CCDC148: variants seen among roughly 807,000 people sequenced by gnomAD.
The protein encoded by CCDC148 is coiled-coil domain-containing protein 148.
In CCDC148, 89 loss-of-function variants were observed where a neutral mutation model predicts 85.7. The ratio of observed to expected loss-of-function variants is 1.04; its 90% CI spans 0.87 to 1.24. The LOEUF is 1.24. CCDC148 is among the 50% of genes most tolerant of loss of function. CCDC148 has a pLI of 0.00. For synonymous variants in CCDC148, 230 were observed against 213.9 expected, an observed-to-expected ratio of 1.08 and a Z score of -0.66; for missense variants, 692 against 671.7, an observed-to-expected ratio of 1.03 and a Z score of -0.33.
At chr2:158,190,341 C>T (rs1685362889) in intron 11 of CCDC148, among the ~76,000 whole-genome samples, 1 of 151,840 alleles carries the variant, frequency 6.6e-6, no homozygotes. Context: ...ATTTATTTGC[C>T]CAATTGCCTC....
intron 9 of CCDC148, among the ~76,000 whole-genome samples, chr2:158,304,075 T>A (rs1458212951): frequency 1.3e-5 from 2 of 152,120 alleles, no homozygotes; most frequent in Non-Finnish European, 2.9e-5. Context: ...TGGCTCACTC[T>A]TGGGTTAGAG....
chr2:158,312,031 C>T (rs1405673412), intron 8 of CCDC148, among the ~76,000 whole-genome samples: 2 of 152,116 alleles, frequency 1.3e-5, no homozygotes, highest in African/African-American at 4.8e-5. Flanking sequence ...CTAAATAATT[C>T]TTTATTTTGC....
intron 10 of CCDC148, among the ~76,000 whole-genome samples, chr2:158,233,574 T>C (rs1251692969): frequency 1.3e-5 from 2 of 151,748 alleles, no homozygotes; most frequent in African/African-American, 4.8e-5. Flanking sequence ...AAAGATAGCA[T>C]TGCCCAAAAT....
chr2:158,281,079 C>T lies in CCDC148; in HGVS notation c.1110+28354G>A, dbSNP rs191288991. On this transcript the variant is annotated intron_variant, in intron 9 of 13. Transcript: ENST00000283233. ...AAATAAAGATGTTCTTTGAAACCGA[C>T]GAGAACAAAGACACAACATACCAGA... Among the ~76,000 whole-genome samples the T allele has an allele frequency of 7.8e-3, 1,185 of 152,094 alleles. 18 individuals are homozygous for T. Among genetic ancestry groups the T allele is most frequent in the African/African-American group, 0.026 (1,079 of 41,492 alleles).
intron 2 of CCDC148, among the ~76,000 whole-genome samples, chr2:158,348,235 G>C (rs1683090091): frequency 6.6e-6 from 1 of 152,060 alleles, no homozygotes; most frequent in Non-Finnish European, 1.5e-5. Context: ...CCATCAGTAA[G>C]TGTTCTTGAC....
chr2:158,248,324 T>A lies in CCDC148; in HGVS notation c.1251+2448A>T, dbSNP rs1040416602. Among the ~76,000 whole-genome samples the A allele has an allele frequency of 2.6e-5, 4 of 152,242 alleles. No homozygotes were observed. The East Asian group carries it at 7.7e-4, about 29-fold the overall frequency. On this transcript the variant is annotated intron_variant, in intron 10 of 13. Transcript: ENST00000283233. The stretch of plus-strand genomic sequence containing the variant: ...AATATTCTCTCCTTTATTTAAATTT[T>A]AAAAATCTGAAACAAAATGAAAAAT...
intron 9 of CCDC148, among the ~76,000 whole-genome samples, chr2:158,285,245 G>T (rs1244411180): frequency 6.7e-6 from 1 of 148,358 alleles, no homozygotes; most frequent in Non-Finnish European, 1.5e-5. Context: ...CTGAGATCAT[G>T]CCATTGCACT....
intron 11 of CCDC148, among the ~76,000 whole-genome samples, chr2:158,199,782 C>G (rs1453228612): frequency 1.3e-5 from 2 of 152,062 alleles, no homozygotes; most frequent in African/African-American, 4.8e-5. Flanking sequence ...TGGGAACGAG[C>G]AAATGTTTCT....
intron 7 of CCDC148, among the ~76,000 whole-genome samples, chr2:158,333,295 G>C (rs1693244905): frequency 6.6e-6 from 1 of 152,140 alleles, no homozygotes; most frequent in Non-Finnish European, 1.5e-5. Context: ...AGTCATTCAG[G>C]AGCAGGTTGT....
At chr2:158,349,005 A>T (rs1033006734) in intron 2 of CCDC148, among the ~76,000 whole-genome samples, 20 of 152,040 alleles carry the variant, frequency 1.3e-4, no homozygotes, top group Admixed American at 6.5e-5. Flanking sequence ...TTCAGGTTCA[A>T]TCTCAGCCTT....
intron 9 of CCDC148, among the ~76,000 whole-genome samples, chr2:158,264,246 G>T (rs1689359184): frequency 6.6e-6 from 1 of 152,036 alleles, no homozygotes; most frequent in Non-Finnish European, 1.5e-5. Context: ...TCCGTCATCA[G>T]CTCATTCCTT....
intron 2 of CCDC148, among the ~76,000 whole-genome samples, chr2:158,354,909 C>G (rs1434075915): frequency 6.6e-6 from 1 of 151,850 alleles, no homozygotes; most frequent in Non-Finnish European, 1.5e-5. Context: ...CCCTGGGATG[C>G]AAGGCTGGTT....
At chr2:158,229,633 T>C (rs990720225) in intron 10 of CCDC148, among the ~76,000 whole-genome samples, 1 of 152,170 alleles carries the variant, frequency 6.6e-6, no homozygotes, top group African/African-American at 2.4e-5. Flanking sequence ...ATCTTTCTCA[T>C]TGTTCAGCCC....
At chr2:158,410,107 T>C (rs1224600749) in intron 1 of CCDC148, among the ~76,000 whole-genome samples, 2 of 152,218 alleles carry the variant, frequency 1.3e-5, no homozygotes, top group Non-Finnish European at 2.9e-5. Context: ...AACAGCCTAA[T>C]ACAATGACCT....
chr2:158,328,504 T>C (rs1218985035), intron 7 of CCDC148, among the ~76,000 whole-genome samples: 1 of 152,162 alleles, frequency 6.6e-6, no homozygotes, highest in East Asian at 1.9e-4. Context: ...AGCAGCATGA[T>C]TTATAATCCT....
intron 2 of CCDC148, among the ~76,000 whole-genome samples, chr2:158,352,594 G>A (rs570024785): frequency 5.9e-5 from 9 of 152,180 alleles, no homozygotes; most frequent in African/African-American, 9.6e-5. Flanking sequence ...CCAAATCTAC[G>A]TCTGATTGGT....
intron 9 of CCDC148, among the ~76,000 whole-genome samples, chr2:158,258,996 C>T (rs1689114580): frequency 2.0e-5 from 3 of 151,816 alleles, no homozygotes; most frequent in Admixed American, 2.0e-4. Flanking sequence ...ACACCAATTA[C>T]CAATTTACCC....
intron 9 of CCDC148, among the ~76,000 whole-genome samples, chr2:158,254,826 A>G (rs1688946089): frequency 1.3e-5 from 2 of 151,740 alleles, no homozygotes; most frequent in South Asian, 4.1e-4. Flanking sequence ...AAGCAAAAGC[A>G]TAAATCAAAA....
chr2:158,430,836 A>G (rs2105332156), intron 1 of CCDC148, among the ~76,000 whole-genome samples: 1 of 152,264 alleles, frequency 6.6e-6, no homozygotes, highest in Non-Finnish European at 1.5e-5. Flanking sequence ...AGATCAAATA[A>G]GTGTTATGAG....
Sources: gnomAD v4.1 joint callset for allele counts (sites outside exome capture counted in the v4.1 genomes callset) on GRCh38, gnomAD v4.1.1 for gene constraint, MANE v1.5 for transcripts, NCBI Gene and HGNC (gene_info 2026-07-23, HGNC 2026-07-21) for gene names.